NPAS3: variants seen among roughly 807,000 people sequenced by gnomAD.
NPAS3 encodes neuronal PAS domain-containing protein 3.
Under a neutral mutation model 73.1 loss-of-function variants are expected in NPAS3, and 14 were observed. The observed-to-expected ratio is 0.19, with a 90% CI of 0.13 to 0.30. The LOEUF (loss-of-function observed/expected upper bound fraction) is 0.30, where lower values mean the gene tolerates loss of function less well. NPAS3 is among the 10% of genes least tolerant of loss of function. The pLI, the probability that NPAS3 is intolerant of heterozygous loss-of-function variation, is 1.00. For missense variants in NPAS3, 1,096 were observed against 1,250.0 expected, an observed-to-expected ratio of 0.88 and a Z score of 1.86; for synonymous variants, 620 against 541.5, an observed-to-expected ratio of 1.14 and a Z score of -2.01.
chr14:33,390,519 A>G (rs1337091302), intron 4 of NPAS3, among the ~76,000 whole-genome samples: 3 of 152,168 alleles, frequency 2.0e-5, no homozygotes, highest in Non-Finnish European at 4.4e-5. Context: ...ATCCAAAGAC[A>G]CCTCATCCCC....
chr14:33,313,952 A>C (rs74617000), intron 3 of NPAS3, among the ~76,000 whole-genome samples: 203 of 152,222 alleles, frequency 1.3e-3, no homozygotes, highest in African/African-American at 4.6e-3. Context: ...CAAGGTCTGC[A>C]GAGGCAATAT....
rs1555353807 is a variant in NPAS3, at chr14:33,197,267, G to GTGTGTGTGTGTGTGTGTGTT, written c.141-17914_141-17913insGTGTGTGTGTGTGTGTGTTT. 2.2e-3 allele frequency among the ~76,000 whole-genome samples: 332 copies of GTGTGTGTGTGTGTGTGTGTT among 148,806 alleles called. 2 individuals are homozygous for GTGTGTGTGTGTGTGTGTGTT. Among genetic ancestry groups the GTGTGTGTGTGTGTGTGTGTT allele is most frequent in the South Asian group, 4.9e-3 (23 of 4,652 alleles). On this transcript the variant is annotated intron_variant, in intron 2 of 11. Coordinates refer to ENST00000356141, the Ensembl canonical transcript of NPAS3. ...TGTGTGTGTGTGTGTGTGTGTGTGT[G>GTGTGTGTGTGTGTGTGTGTT]TTCTTTTTCAATTGAGATCCACTGT...
chr14:33,194,738 A>T (rs1174189485), intron 2 of NPAS3, among the ~76,000 whole-genome samples: 1 of 152,186 alleles, frequency 6.6e-6, no homozygotes, highest in Non-Finnish European at 1.5e-5. Flanking sequence ...TAAGTAAAAA[A>T]GGCATGAGTC....
At chr14:33,647,855 A>T (rs1388600103) in intron 5 of NPAS3, among the ~76,000 whole-genome samples, 1 of 152,192 alleles carries the variant, frequency 6.6e-6, no homozygotes, top group Admixed American at 6.5e-5. Context: ...ATACTCAGAT[A>T]AACATGTAAA....
intron 4 of NPAS3, among the ~76,000 whole-genome samples, chr14:33,423,993 T>C (rs987057286): frequency 6.6e-6 from 1 of 152,042 alleles, no homozygotes; most frequent in Non-Finnish European, 1.5e-5. Flanking sequence ...TGCTCAACTC[T>C]GGTGAACAAA....
intron 4 of NPAS3, among the ~76,000 whole-genome samples, chr14:33,433,827 G>A (rs17101108): frequency 0.018 from 2,715 of 152,090 alleles, 65 homozygotes; most frequent in African/African-American, 0.061. Flanking sequence ...TGAAAGTTTC[G>A]GTCACTGTAG....
At chr14:33,273,167 G>C (rs2041173598) in intron 3 of NPAS3, among the ~76,000 whole-genome samples, 1 of 152,106 alleles carries the variant, frequency 6.6e-6, no homozygotes, top group Non-Finnish European at 1.5e-5. Context: ...TGTGTGGGCT[G>C]TCCCCTGACT....
chr14:33,217,440 C>T (rs184223559), intron 3 of NPAS3, among the ~76,000 whole-genome samples: 5 of 152,080 alleles, frequency 3.3e-5, no homozygotes, highest in Admixed American at 6.6e-5. Context: ...TTCCAGATCA[C>T]ACAAGATGAA....
intron 5 of NPAS3, among the ~76,000 whole-genome samples, chr14:33,562,330 T>C (rs1316009956): frequency 1.3e-5 from 2 of 152,210 alleles, no homozygotes; most frequent in Non-Finnish European, 2.9e-5. Flanking sequence ...CTTTTATATA[T>C]AATGGGTTTT....
At chr14:32,955,552 AC>A (rs914733270) in intron 1 of NPAS3, among the ~76,000 whole-genome samples, 7 of 152,156 alleles carry the variant, frequency 4.6e-5, no homozygotes, top group African/African-American at 1.7e-4. Flanking sequence ...AATATTGAGG[AC>A]CATTAACCAA....
chr14:33,791,338 C>T (rs2063353624), intron 9 of NPAS3, among the ~76,000 whole-genome samples: 1 of 152,162 alleles, frequency 6.6e-6, no homozygotes, highest in Non-Finnish European at 1.5e-5. Context: ...CTGTCCTGCC[C>T]CTCTCATATT....
At chr14:33,588,327 A>G (rs542692350) in intron 5 of NPAS3, among the ~76,000 whole-genome samples, 1 of 152,294 alleles carries the variant, frequency 6.6e-6, no homozygotes, top group South Asian at 2.1e-4. Flanking sequence ...TCCCAGATGC[A>G]GGGCAGATCC....
At chr14:33,425,581 C>G (rs969142616) in intron 4 of NPAS3, among the ~76,000 whole-genome samples, 4 of 144,078 alleles carry the variant, frequency 2.8e-5, no homozygotes, top group African/African-American at 5.2e-5. Flanking sequence ...TGTTCATGTG[C>G]TTGACATGTA....
intron 5 of NPAS3, among the ~76,000 whole-genome samples, chr14:33,569,204 C>T (rs559841032): frequency 5.5e-4 from 84 of 152,284 alleles, no homozygotes; most frequent in Middle Eastern, 3.4e-3. Flanking sequence ...AATAATAAGA[C>T]AAAAACTTTC....
At chr14:33,020,086 C>T (rs2039539996) in intron 1 of NPAS3, among the ~76,000 whole-genome samples, 1 of 151,984 alleles carries the variant, frequency 6.6e-6, no homozygotes, top group African/African-American at 2.4e-5. Flanking sequence ...TTATATTTTT[C>T]AAAATATTGA....
chr14:33,208,159 G>A (rs2046901665), intron 2 of NPAS3, among the ~76,000 whole-genome samples: 1 of 151,990 alleles, frequency 6.6e-6, no homozygotes, highest in African/African-American at 2.4e-5. Flanking sequence ...AAGTTCTGGG[G>A]GAAAATGAAG....
chr14:33,490,852 C>T (rs1485894161), intron 4 of NPAS3, among the ~76,000 whole-genome samples: 1 of 152,188 alleles, frequency 6.6e-6, no homozygotes, highest in African/African-American at 2.4e-5. Flanking sequence ...GATGCCGCTG[C>T]CAGTAGCACC....
intron 4 of NPAS3, among the ~76,000 whole-genome samples, chr14:33,484,632 G>A (rs2139746096): frequency 6.6e-6 from 1 of 152,294 alleles, no homozygotes; most frequent in African/African-American, 2.4e-5. Context: ...GGATTTCAAA[G>A]TAGTCACACA....
chr14:33,661,477 A>T (rs2059307115), intron 5 of NPAS3, among the ~76,000 whole-genome samples: 1 of 152,216 alleles, frequency 6.6e-6, no homozygotes, highest in Non-Finnish European at 1.5e-5. Context: ...AATCACAGAA[A>T]ATAATCCTTG....
Sources: gnomAD v4.1 joint callset for allele counts (sites outside exome capture counted in the v4.1 genomes callset) on GRCh38, gnomAD v4.1.1 for gene constraint, MANE v1.5 for transcripts, NCBI Gene and HGNC (gene_info 2026-07-23, HGNC 2026-07-21) for gene names.